Variants in HCRTR2 observed in about 807,000 individuals in gnomAD.
HCRTR2 encodes hypocretin receptor 2, also known as orexin receptor type 2.
HCRTR2 carries 22 observed loss-of-function variants against 49.0 expected under a neutral mutation model. The observed-to-expected ratio is 0.45, with a 90% confidence interval of 0.32 to 0.64. The LOEUF (loss-of-function observed/expected upper bound fraction) is 0.64, where lower values mean the gene tolerates loss of function less well. HCRTR2 is among the 30% of genes least tolerant of loss of function. The pLI, the probability that HCRTR2 is intolerant of heterozygous loss-of-function variation, is 0.04. For missense variants in HCRTR2, 491 were observed against 559.4 expected, an observed-to-expected ratio of 0.88 and a Z score of 1.23; for synonymous variants, 236 against 205.3, an observed-to-expected ratio of 1.15 and a Z score of -1.28.
At chr6:55,219,034 C>A (rs987894759) in intron 1 of HCRTR2, among the ~76,000 whole-genome samples, 1 of 152,172 alleles carries the variant, frequency 6.6e-6, no homozygotes. Context: ...TATTGCCCAG[C>A]TGGTCTTAAA....
At chr6:55,207,464 A>C (rs1436392345) in intron 1 of HCRTR2, among the ~76,000 whole-genome samples, 1 of 152,108 alleles carries the variant, frequency 6.6e-6, no homozygotes, top group Non-Finnish European at 1.5e-5. Flanking sequence ...TATGGATGTG[A>C]TTTATTTTAA....
At chr6:55,236,149 C>T (rs1766208829) in intron 1 of HCRTR2, among the ~76,000 whole-genome samples, 1 of 151,936 alleles carries the variant, frequency 6.6e-6, no homozygotes, top group East Asian at 1.9e-4. Flanking sequence ...GGTATATCCC[C>T]CTATCCATTT....
chr6:55,180,965 A>ATTTTTT (rs11441768), intron 1 of HCRTR2, among the ~76,000 whole-genome samples: 3 of 139,356 alleles, frequency 2.2e-5, no homozygotes, highest in Non-Finnish European at 1.5e-5. Context: ...ATGCCCAGCT[A>ATTTTTT]TTTTTTTTTT....
At chr6:55,168,089 A>G (rs186598142) in intron 1 of HCRTR2, among the ~76,000 whole-genome samples, 12 of 152,324 alleles carry the variant, frequency 7.9e-5, no homozygotes, top group African/African-American at 2.6e-4. Flanking sequence ...ATCAACAAGT[A>G]GTGATTGGCC....
At chr6:55,195,465 G>A (rs2127280730) in intron 1 of HCRTR2, among the ~76,000 whole-genome samples, 1 of 152,264 alleles carries the variant, frequency 6.6e-6, no homozygotes, top group South Asian at 2.1e-4. Context: ...ATACAATCCT[G>A]AACATCTTAA....
chr6:55,163,672 C>T (rs560448177), intron 1 of HCRTR2, among the ~76,000 whole-genome samples: 1 of 152,214 alleles, frequency 6.6e-6, no homozygotes, highest in Admixed American at 6.5e-5. Flanking sequence ...ACCATAAGAA[C>T]CCTAGAAGAA....
intron 1 of HCRTR2, among the ~76,000 whole-genome samples, chr6:55,237,538 T>C (rs999292265): frequency 6.6e-6 from 1 of 152,220 alleles, no homozygotes; most frequent in Admixed American, 6.5e-5. Context: ...CATCTCATAT[T>C]ATCAGCTTTG....
At chr6:55,125,962 C>G (rs1764269931) in intron 1 of HCRTR2, among the ~76,000 whole-genome samples, 1 of 152,094 alleles carries the variant, frequency 6.6e-6, no homozygotes, top group South Asian at 2.1e-4. Context: ...TTTTCAGCTC[C>G]ATCATGTCGT....
intron 1 of HCRTR2, among the ~76,000 whole-genome samples, chr6:55,163,254 A>AG (rs1764830896): frequency 7.2e-6 from 1 of 138,788 alleles, no homozygotes; most frequent in South Asian, 2.4e-4. Flanking sequence ...AAACAAACAA[A>AG]CAACAAAAAA....
chr6:55,133,976 TC>T (rs758034262), intron 1 of HCRTR2, among the ~76,000 whole-genome samples: 2 of 151,914 alleles, frequency 1.3e-5, no homozygotes, highest in Non-Finnish European at 2.9e-5. Context: ...AGTTAACTGG[TC>T]AAATGTCACT....
rs566092291 is a variant in HCRTR2, at chr6:55,198,610, T to G, written c.223+23800T>G. On this transcript the variant is annotated intron_variant, in intron 1 of 6. Coordinates refer to ENST00000370862, the MANE Select transcript of HCRTR2 (RefSeq NM_001384272.1). Reference sequence around the variant, plus strand: ...ACTCTCATCCAGCTTTCTTTACTAATTTTGGATAATGAATCAGAAAATAGT... The same window carrying G: ...ACTCTCATCCAGCTTTCTTTACTAAGTTTGGATAATGAATCAGAAAATAGT... Among the ~76,000 whole-genome samples, 334 of 152,336 alleles carry G rather than the reference T, an allele frequency of 2.2e-3. 1 individual carries two copies. Among genetic ancestry groups the G allele is most frequent in the Non-Finnish European group, 3.1e-3 (212 of 68,022 alleles).
intron 4 of HCRTR2, among the ~76,000 whole-genome samples, chr6:55,275,679 C>A (rs183797831): frequency 6.8e-6 from 1 of 146,318 alleles, no homozygotes; most frequent in Non-Finnish European, 1.5e-5. Flanking sequence ...GTGATCTCAT[C>A]GGCTCATTGC....
Position 55,142,354 on chromosome 6 carries a change from G to A in HCRTR2, c.-377-31857G>A, listed in dbSNP as rs373862979. Among the ~76,000 whole-genome samples the A allele has an allele frequency of 3.9e-5, 5 of 128,746 alleles. No individual in the cohort carries two copies. In the South Asian group the frequency reaches 8.7e-4, roughly 22 times the overall value. 84.5% of individuals were successfully genotyped at this position (128,746 alleles called of 152,430 possible). On this transcript the variant is annotated intron_variant, in intron 1 of 7. Coordinates refer to the HCRTR2 transcript ENST00000615358. Reference sequence around the variant, plus strand: ...TGGGACTACAGGCACCCGCCACCACGCCCTGTTAATTTTTTTTTTTTTTTT... The same window carrying A: ...TGGGACTACAGGCACCCGCCACCACACCCTGTTAATTTTTTTTTTTTTTTT...
chr6:55,145,267 A>C (rs1215229262), intron 1 of HCRTR2, among the ~76,000 whole-genome samples: 1 of 152,214 alleles, frequency 6.6e-6, no homozygotes, highest in African/African-American at 2.4e-5. Flanking sequence ...ATCCCTTTAC[A>C]AAACAAAGAA....
chr6:55,148,941 T>G (rs995844758), intron 1 of HCRTR2, among the ~76,000 whole-genome samples: 3 of 152,138 alleles, frequency 2.0e-5, no homozygotes, highest in African/African-American at 7.2e-5. Context: ...TCTGATACTT[T>G]CTTTTTCTTT....
intron 1 of HCRTR2, among the ~76,000 whole-genome samples, chr6:55,207,648 A>T (rs1327909600): frequency 1.3e-5 from 2 of 152,206 alleles, no homozygotes; most frequent in African/African-American, 4.8e-5. Flanking sequence ...ATGATGGAAC[A>T]GGCTGAAAGA....
chr6:55,185,925 T>A (rs1011209110), intron 1 of HCRTR2, among the ~76,000 whole-genome samples: 14 of 152,316 alleles, frequency 9.2e-5, no homozygotes, highest in African/African-American at 2.9e-4. Flanking sequence ...CAATTTCTGA[T>A]CCTCCTATGA....
At chr6:55,126,211 A>T (rs1764273992) in intron 1 of HCRTR2, among the ~76,000 whole-genome samples, 1 of 151,828 alleles carries the variant, frequency 6.6e-6, no homozygotes, top group Non-Finnish European at 1.5e-5. Flanking sequence ...GGTTTTTGGA[A>T]TTTTCAGCCT....
intron 1 of HCRTR2, among the ~76,000 whole-genome samples, chr6:55,208,319 T>TAA (rs561714147): frequency 0.011 from 1,371 of 126,624 alleles, 34 homozygotes; most frequent in African/African-American, 0.037. Flanking sequence ...CTACGAAAAA[T>TAA]AAAAAAATAA....
Sources: gnomAD v4.1 joint callset for allele counts (sites outside exome capture counted in the v4.1 genomes callset) on GRCh38, gnomAD v4.1.1 for gene constraint, MANE v1.5 for transcripts, NCBI Gene and HGNC (gene_info 2026-07-23, HGNC 2026-07-21) for gene names.